The following FRMD4A variants were observed in gnomAD, a reference collection of about 807,000 sequenced individuals.
The protein encoded by FRMD4A is FERM domain containing 4A, also known as FERM domain-containing protein 4A.
A neutral mutation model predicts 129.1 loss-of-function variants in FRMD4A; 29 were observed. The observed-to-expected ratio is 0.22, with a 90% CI of 0.17 to 0.31. The LOEUF (loss-of-function observed/expected upper bound fraction) is 0.31, where lower values mean the gene tolerates loss of function less well. Among genes scored for constraint, FRMD4A ranks in the 10% least tolerant of loss-of-function variants. The probability of loss-of-function intolerance (pLI) is 1.00; values close to 1 mark genes in which losing one functional copy is unlikely to be tolerated. For missense variants in FRMD4A, 1,272 were observed against 1,375.8 expected, an observed-to-expected ratio of 0.92 and a Z score of 1.19; for synonymous variants, 634 against 571.6, an observed-to-expected ratio of 1.11 and a Z score of -1.56.
chr10:14,078,445 C>T (rs1283319665), intron 2 of FRMD4A, among the ~76,000 whole-genome samples: 1 of 152,206 alleles, frequency 6.6e-6, no homozygotes, highest in African/African-American at 2.4e-5. Flanking sequence ...GACCAATCTA[C>T]ATAAATCCAG....
chr10:13,716,271 G>T (rs1005414000), intron 12 of FRMD4A, among the ~76,000 whole-genome samples: 9 of 152,100 alleles, frequency 5.9e-5, no homozygotes, highest in African/African-American at 1.9e-4. Context: ...CCATTTTCCT[G>T]TTATGACTTC....
intron 2 of FRMD4A, among the ~76,000 whole-genome samples, chr10:14,077,656 A>T (rs1314135282): frequency 6.6e-6 from 1 of 152,196 alleles, no homozygotes; most frequent in Non-Finnish European, 1.5e-5. Context: ...TGACAGCTTG[A>T]TGTTGCATCT....
At chr10:14,313,640 T>C (rs1168272560) in intron 2 of FRMD4A, among the ~76,000 whole-genome samples, 2 of 152,114 alleles carry the variant, frequency 1.3e-5, no homozygotes, top group East Asian at 3.9e-4. Context: ...GGAATCTGAT[T>C]GGTGTCAGCT....
At chr10:13,676,564 C>T (rs538338411) in intron 15 of FRMD4A, among the ~76,000 whole-genome samples, 4 of 152,190 alleles carry the variant, frequency 2.6e-5, no homozygotes, top group African/African-American at 9.6e-5. Context: ...CATGAGCCAC[C>T]GCGCCCAGCC....
At chr10:14,247,188 C>T (rs1844272457) in intron 2 of FRMD4A, among the ~76,000 whole-genome samples, 1 of 152,106 alleles carries the variant, frequency 6.6e-6, no homozygotes, top group Admixed American at 6.6e-5. Context: ...ACCCAAAGAC[C>T]AGTGGGAGAC....
rs201202317 is a variant in FRMD4A at position 14,164,068 on chromosome 10, G to A, written c.45+165990C>T. ...ACAGCTCCCACAGAGGCTTCCTAAT[G>A]TCTCCTGGGCCAACAGGATTTTTGT... On this transcript the variant is annotated intron_variant, in intron 2 of 24. Transcript: ENST00000357447. Among the ~76,000 whole-genome samples, 3 of 152,298 alleles carry A rather than the reference G, an allele frequency of 2.0e-5. No individual in the cohort carries two copies. The East Asian group carries it at 5.8e-4, about 29-fold the overall frequency.
chr10:13,993,908 A>G (rs1490407522), intron 2 of FRMD4A, among the ~76,000 whole-genome samples: 1 of 151,786 alleles, frequency 6.6e-6, no homozygotes, highest in African/African-American at 2.4e-5. Flanking sequence ...GGAGGGCCTG[A>G]GGATCTATTT....
At chr10:14,079,009 G>A (rs1426229625) in intron 2 of FRMD4A, among the ~76,000 whole-genome samples, 1 of 152,226 alleles carries the variant, frequency 6.6e-6, no homozygotes, top group African/African-American at 2.4e-5. Flanking sequence ...CAGAGGAAAG[G>A]ACTGAGTGTC....
At chr10:14,305,365 C>G (rs757764869) in intron 2 of FRMD4A, among the ~76,000 whole-genome samples, 1 of 151,824 alleles carries the variant, frequency 6.6e-6, no homozygotes, top group Non-Finnish European at 1.5e-5. Context: ...AATTGCTGAA[C>G]AAAAAAATGA....
chr10:14,296,874 A>T (rs545666839), intron 2 of FRMD4A, among the ~76,000 whole-genome samples: 2 of 152,218 alleles, frequency 1.3e-5, no homozygotes, highest in Admixed American at 1.3e-4. Flanking sequence ...ATCCTGTCCT[A>T]ACTTAGTGAA....
rs772583090 is a variant in FRMD4A at position 14,137,818 on chromosome 10, AT to A, written c.45+192239del. Among the ~76,000 whole-genome samples, 12 of 151,990 alleles carry A rather than the reference AT, an allele frequency of 7.9e-5. No individual in the cohort carries two copies. In the East Asian group the frequency reaches 1.7e-3, roughly 22 times the overall value. Reference sequence around the variant, plus strand: ...TTTAATTTTAATTCTAGCTAAAAGCATTTTTTTTCCTTGCCTCTCCTCTTTC... The same window carrying A: ...TTTAATTTTAATTCTAGCTAAAAGCATTTTTTTCCTTGCCTCTCCTCTTTC... On this transcript the variant is annotated intron_variant, in intron 2 of 24. Coordinates refer to ENST00000357447, the MANE Select transcript of FRMD4A (RefSeq NM_018027.5).
chr10:14,003,671 ACAG>A (rs71388150), intron 2 of FRMD4A: 152,289 of 152,294 alleles, frequency 1, 76,142 homozygotes, highest in Middle Eastern at 1. Flanking sequence ...AGCCCAAACT[ACAG>A]CAGCAGAGAA....
At chr10:14,233,963 T>C (rs1175483659) in intron 2 of FRMD4A, among the ~76,000 whole-genome samples, 1 of 152,244 alleles carries the variant, frequency 6.6e-6, no homozygotes, top group African/African-American at 2.4e-5. Flanking sequence ...CATTTTGCCA[T>C]TGCTGAAAAT....
intron 2 of FRMD4A, among the ~76,000 whole-genome samples, chr10:14,294,754 T>TA (rs1365623406): frequency 1.3e-5 from 2 of 152,232 alleles, no homozygotes; most frequent in African/African-American, 2.4e-5. Flanking sequence ...CACGATCTTC[T>TA]AAAAAACACG....
At chr10:14,084,377 C>T (rs568563303) in intron 2 of FRMD4A, among the ~76,000 whole-genome samples, 9 of 152,326 alleles carry the variant, frequency 5.9e-5, no homozygotes, top group African/African-American at 2.2e-4. Flanking sequence ...GAACTCCTGA[C>T]CTCAAGTGAT....
At chr10:14,083,282 G>A (rs1466030418) in intron 2 of FRMD4A, 3 of 152,194 alleles carry the variant, frequency 2.0e-5, no homozygotes, top group African/African-American at 7.2e-5. Context: ...CCAACTCTAC[G>A]ACTGTTGCAT....
At chr10:13,762,730 T>A in intron 6 of FRMD4A, 50 bp from the exon 7 acceptor site, 1 of 1,174,476 alleles carries the variant, frequency 8.5e-7, no homozygotes, top group Non-Finnish European at 1.3e-6. Context: ...TTAACCACCA[T>A]TTTTTTCTTT....
intron 2 of FRMD4A, among the ~76,000 whole-genome samples, chr10:14,315,265 G>A (rs2132111300): frequency 6.6e-6 from 1 of 152,122 alleles, no homozygotes; most frequent in African/African-American, 2.4e-5. Context: ...ATCTTCTCAA[G>A]CTTCACATAC....
chr10:14,147,148 C>T (rs899979989), intron 2 of FRMD4A, among the ~76,000 whole-genome samples: 1 of 152,172 alleles, frequency 6.6e-6, no homozygotes, highest in Admixed American at 6.5e-5. Context: ...AAAAGGAACA[C>T]ATTTTCCTTT....
Sources: allele counts gnomAD v4.1 joint callset (sites outside exome capture counted in the v4.1 genomes callset), GRCh38; gene constraint gnomAD v4.1.1; transcripts MANE v1.5; gene names NCBI Gene and HGNC (gene_info 2026-07-23, HGNC 2026-07-21).